Variants in ABCA13 observed in about 807,000 individuals in gnomAD.
ABCA13 encodes ATP-binding cassette sub-family A member 13.
In ABCA13, 476 loss-of-function variants were observed where a neutral mutation model predicts 478.7. That is an observed-to-expected ratio of 0.99 (90% CI 0.92 to 1.07). The LOEUF (loss-of-function observed/expected upper bound fraction) is 1.07, where lower values mean the gene tolerates loss of function less well. Among genes scored for constraint, ABCA13 ranks in the 50% least tolerant of loss-of-function variants. The pLI, the probability that ABCA13 is intolerant of heterozygous loss-of-function variation, is 0.00. For synonymous variants in ABCA13, 2,252 were observed against 2,158.9 expected, an observed-to-expected ratio of 1.04 and a Z score of -1.20; for missense variants, 6,060 against 5,910.6, an observed-to-expected ratio of 1.03 and a Z score of -0.83.
intron 1 of ABCA13, among the ~76,000 whole-genome samples, chr7:48,190,951 C>A (rs1446845922): frequency 6.6e-6 from 1 of 151,926 alleles, no homozygotes; most frequent in East Asian, 1.9e-4. Context: ...GTTTTTTATA[C>A]AACTACTTGT....
chr7:48,583,328 G>A (rs912916544), intron 56 of ABCA13, among the ~76,000 whole-genome samples: 11 of 152,172 alleles, frequency 7.2e-5, no homozygotes, highest in Non-Finnish European at 1.3e-4. Flanking sequence ...GGAAGGGCCA[G>A]GATAAACATT....
At chr7:48,269,782 A>T (rs531086626) in intron 16 of ABCA13, among the ~76,000 whole-genome samples, 4 of 152,172 alleles carry the variant, frequency 2.6e-5, no homozygotes, top group African/African-American at 9.7e-5. Context: ...TATATATTTC[A>T]CACATTCTAT....
chr7:48,429,230 C>A (rs943625985), intron 42 of ABCA13, among the ~76,000 whole-genome samples: 1 of 152,126 alleles, frequency 6.6e-6, no homozygotes, highest in African/African-American at 2.4e-5. Context: ...TTTACTATTG[C>A]AAATATACTA....
intron 55 of ABCA13, among the ~76,000 whole-genome samples, chr7:48,561,159 G>C (rs895123439): frequency 6.6e-6 from 1 of 151,880 alleles, no homozygotes; most frequent in Non-Finnish European, 1.5e-5. Flanking sequence ...GGACATGCAG[G>C]TTGATTCCAT....
intron 43 of ABCA13, among the ~76,000 whole-genome samples, chr7:48,455,802 G>A (rs1216990974): frequency 6.6e-6 from 1 of 152,254 alleles, no homozygotes; most frequent in Non-Finnish European, 1.5e-5. Flanking sequence ...GGTCAATTGA[G>A]CAGGATCTGT....
chr7:48,521,966 G>A (rs1832572428), intron 53 of ABCA13, among the ~76,000 whole-genome samples: 1 of 14,808 alleles, frequency 6.8e-5, no homozygotes, highest in African/African-American at 3.1e-4. Flanking sequence ...TAAAGCCCAA[G>A]GTTCTTAGCA....
At chr7:48,191,962 G>A (rs1797161792) in intron 1 of ABCA13, among the ~76,000 whole-genome samples, 1 of 152,200 alleles carries the variant, frequency 6.6e-6, no homozygotes, top group African/African-American at 2.4e-5. Context: ...GGTGTTTGAT[G>A]GAGCATTCTT....
At chr7:48,439,219 A>C (rs1325823088) in intron 42 of ABCA13, among the ~76,000 whole-genome samples, 3 of 152,136 alleles carry the variant, frequency 2.0e-5, no homozygotes, top group African/African-American at 7.2e-5. Flanking sequence ...GTGCATTTTT[A>C]TCTAGAGCTC....
At position 48,645,622 on chromosome 7, in the gene ABCA13, C is replaced by A; in HGVS notation, c.*110C>A. 2 of 828,342 alleles carry A rather than the reference C, an allele frequency of 2.4e-6. No homozygotes were observed. The highest frequency in any genetic ancestry group is 3.8e-6 in the Non-Finnish European group (2 of 529,332). 51.3% of individuals were successfully genotyped at this position (828,342 alleles called of 1,614,324 possible). Reference sequence around the variant, plus strand: ...AAGGAGCTGGAACACACTCTCCAGGCCGTCAAATTATTCTCTTGTTCATTT... The same window carrying A: ...AAGGAGCTGGAACACACTCTCCAGGACGTCAAATTATTCTCTTGTTCATTT... On this transcript the variant is annotated 3_prime_UTR_variant, in exon 62 of 62. Transcript: ENST00000435803.
chr7:48,174,817 C>T (rs772128799), intron 1 of ABCA13, among the ~76,000 whole-genome samples: 4 of 152,150 alleles, frequency 2.6e-5, no homozygotes, highest in African/African-American at 9.7e-5. Flanking sequence ...TTAAAAGTTA[C>T]TGTATGGTCT....
chr7:48,447,167 A>G (rs531511220), intron 42 of ABCA13, among the ~76,000 whole-genome samples: 1 of 152,316 alleles, frequency 6.6e-6, no homozygotes, highest in South Asian at 2.1e-4. Flanking sequence ...AAATGCAGTC[A>G]TTGCCTCAAA....
chr7:48,590,493 G>A (rs1200835614), intron 57 of ABCA13, among the ~76,000 whole-genome samples: 1 of 151,998 alleles, frequency 6.6e-6, no homozygotes, highest in Non-Finnish European at 1.5e-5. Context: ...ATTTCCTTTG[G>A]ATACACACAC....
At chr7:48,249,472 G>A in intron 15 of ABCA13, 121 bp downstream of exon 15, 1 of 1,248,596 alleles carries the variant, frequency 8.0e-7, no homozygotes, top group Non-Finnish European at 1.1e-6. Flanking sequence ...GGCTCTCCAA[G>A]CACAATTTGG....
At position 48,427,814 on chromosome 7, in the gene ABCA13, C is replaced by CTGG; in HGVS notation, c.12509_12511dup (p.Leu4170_Gly4171insVal). On this transcript the variant is annotated inframe_insertion, in exon 42 of 62. Transcript: ENST00000435803. ...TTCCAACAAGAAATCTCACATTGCC[C>CTGG]TGGGGACTGAGTCAGAGCTGCAGAA... 6.2e-7 allele frequency: 1 copy of CTGG among 1,612,942 alleles called. No individual in the cohort carries two copies. The highest frequency in any genetic ancestry group is 8.5e-7 in the Non-Finnish European group (1 of 1,179,358).
At chr7:48,586,813 T>G (rs923613997) in intron 56 of ABCA13, among the ~76,000 whole-genome samples, 5 of 152,224 alleles carry the variant, frequency 3.3e-5, no homozygotes, top group African/African-American at 4.8e-5. Context: ...TGTTTCCTTC[T>G]CAGTTTTCTT....
rs1409164798 is a variant in ABCA13, at chr7:48,524,365, T to C, written c.14169T>C (p.Leu4723=). The C allele has an allele frequency of 6.2e-7, 1 of 1,613,300 alleles. No individual in the cohort carries two copies. Among genetic ancestry groups the C allele is most frequent in the Middle Eastern group, 1.7e-4 (1 of 6,056 alleles). The change falls in exon 54 of 62, where the codon CTT becomes CTC. Residue 4723 remains leucine (L), a synonymous_variant. Transcript: ENST00000435803. ...TNGDILVLYN[L]SKHYRRFFQN... Reference sequence around the variant, plus strand: ...GAGACATTCTTGTGTTATACAACCTTAGTAAACATTATCGACGCTTTTTCC... The same window carrying C: ...GAGACATTCTTGTGTTATACAACCTCAGTAAACATTATCGACGCTTTTTCC...
chr7:48,637,023 G>T (rs920359008), intron 59 of ABCA13, among the ~76,000 whole-genome samples: 3 of 152,076 alleles, frequency 2.0e-5, no homozygotes, highest in African/African-American at 4.8e-5. Context: ...GACGATAGAG[G>T]TTATTTGCAA....
At chr7:48,455,876 C>G (rs1487825158) in intron 43 of ABCA13, among the ~76,000 whole-genome samples, 1 of 152,228 alleles carries the variant, frequency 6.6e-6, no homozygotes, top group Non-Finnish European at 1.5e-5. Context: ...GAACTCAGAG[C>G]TTTCTGGGTT....
chr7:48,620,050 G>A (rs1002036760), intron 59 of ABCA13, among the ~76,000 whole-genome samples: 19 of 152,218 alleles, frequency 1.2e-4, no homozygotes, highest in East Asian at 1.9e-4. Flanking sequence ...AGGCATTTGC[G>A]GGCCTAGGCT....
Sources: allele counts gnomAD v4.1 joint callset (sites outside exome capture counted in the v4.1 genomes callset), GRCh38; gene constraint gnomAD v4.1.1; transcripts MANE v1.5; gene names NCBI Gene and HGNC (gene_info 2026-07-23, HGNC 2026-07-21).